The following CREBBP variants were observed in gnomAD, a reference collection of about 807,000 sequenced individuals.
CREBBP encodes CREB binding lysine acetyltransferase, also known as CREB-binding protein.
In CREBBP, 19 loss-of-function variants were observed where a neutral mutation model predicts 265.0. The ratio of observed to expected loss-of-function variants is 0.07; its 90% CI spans 0.05 to 0.11. The LOEUF (loss-of-function observed/expected upper bound fraction) is 0.11. Ranked by LOEUF, CREBBP falls within the 10% of genes least tolerant of loss-of-function variation. CREBBP has a pLI of 1.00. For missense variants in CREBBP, 2,525 were observed against 3,219.0 expected, an observed-to-expected ratio of 0.78 and a Z score of 5.22; for synonymous variants, 1,457 against 1,223.7, an observed-to-expected ratio of 1.19 and a Z score of -3.98.
Position 3,880,220 on chromosome 16 carries a change from C to G in CREBBP, c.-304G>C, listed in dbSNP as rs1368402610. The G allele has an allele frequency of 7.2e-6, 1 of 139,246 alleles. No homozygotes were observed. The highest frequency in any genetic ancestry group is 1.6e-5 in the Non-Finnish European group (1 of 63,166). The allele number at this position is 139,246 out of a possible 1,614,324, so 8.6% of individuals were successfully genotyped here. On this transcript the variant is annotated 5_prime_UTR_variant, in exon 1 of 31. Transcript: ENST00000262367. ...GCGACACTCCGCGGTGGGGGCGCCC[C>G]GGCGGCCCGGCCGCCCCCCCGGGCC...
At chr16:3,822,600 G>C (rs1441677249) in intron 2 of CREBBP, among the ~76,000 whole-genome samples, 2 of 152,134 alleles carry the variant, frequency 1.3e-5, no homozygotes, top group African/African-American at 4.8e-5. Flanking sequence ...TCCTCATGGC[G>C]AATCTCCTGG....
intron 20 of CREBBP, 65 bp from the exon 21 acceptor site, chr16:3,749,748 G>C (rs982503726): frequency 9.4e-7 from 1 of 1,061,300 alleles, no homozygotes; most frequent in African/African-American, 1.6e-5. Flanking sequence ...TAAACTATAG[G>C]GTCTCTGGAA....
At chr16:3,873,620 T>C (rs1290660355) in intron 1 of CREBBP, among the ~76,000 whole-genome samples, 1 of 152,132 alleles carries the variant, frequency 6.6e-6, no homozygotes, top group East Asian at 1.9e-4. Context: ...CAGACACACA[T>C]CATCTCAGGC....
At chr16:3,772,124 T>C (rs2053025266) in intron 13 of CREBBP, among the ~76,000 whole-genome samples, 1 of 152,118 alleles carries the variant, frequency 6.6e-6, no homozygotes, top group Non-Finnish European at 1.5e-5. Context: ...ATAAGCTTCA[T>C]GTTCTATAAC....
chr16:3,871,080 A>G (rs2055284694), intron 1 of CREBBP, among the ~76,000 whole-genome samples: 1 of 151,172 alleles, frequency 6.6e-6, no homozygotes, highest in Non-Finnish European at 1.5e-5. Context: ...AAGGAAGGAA[A>G]AGAGAAAGAA....
chr16:3,761,045 C>T (rs1244371457), intron 16 of CREBBP, among the ~76,000 whole-genome samples: 2 of 152,116 alleles, frequency 1.3e-5, no homozygotes, highest in Non-Finnish European at 2.9e-5. Context: ...ATCTCCGCCT[C>T]CCGGGTTCAA....
chr16:3,878,199 G>A (rs2055442943), intron 1 of CREBBP, among the ~76,000 whole-genome samples: 1 of 152,148 alleles, frequency 6.6e-6, no homozygotes, highest in Non-Finnish European at 1.5e-5. Context: ...AGCTGAACTC[G>A]CCACGTATGA....
chr16:3,799,518 A>G (rs1175246923), intron 3 of CREBBP, among the ~76,000 whole-genome samples: 1 of 152,252 alleles, frequency 6.6e-6, no homozygotes, highest in African/African-American at 2.4e-5. Flanking sequence ...ATCAAAAAGA[A>G]AAACATGCAT....
At position 3,777,717 on chromosome 16, in the gene CREBBP, A is replaced by T. The variant is rs979231377; in HGVS notation, c.2114-60T>A. On this transcript the variant is annotated intron_variant, in intron 10 of 30. Transcript: ENST00000262367. ...CCCTAGTTATTTAATATAATCCTTG[A>T]TTCAGGAATAGGAAATTTCTTATTA... 7 of 1,587,438 alleles carry T rather than the reference A, an allele frequency of 4.4e-6. No homozygotes were observed. In the Admixed American group the frequency reaches 1.2e-4, roughly 27 times the overall value.
chr16:3,854,915 G>T (rs192946373), intron 1 of CREBBP, among the ~76,000 whole-genome samples: 4 of 152,336 alleles, frequency 2.6e-5, no homozygotes, highest in African/African-American at 9.6e-5. Context: ...AAGAAAAACC[G>T]AGACTGAGAG....
intron 17 of CREBBP, 117 bp downstream of exon 17, chr16:3,758,737 T>C (rs2052642720): frequency 1.2e-6 from 1 of 844,992 alleles, no homozygotes. Context: ...GTTTTTTATA[T>C]TAGGAGAACA....
At chr16:3,835,569 ATTTC>A (rs1009660736) in intron 2 of CREBBP, among the ~76,000 whole-genome samples, 34 of 143,072 alleles carry the variant, frequency 2.4e-4, no homozygotes, top group African/African-American at 8.8e-4. Context: ...CTCACAGAAG[ATTTC>A]TTCTTTTTTT....
In CREBBP at chr16:3,736,073, T is replaced by C. The variant is rs2052050151; in HGVS notation, c.4691A>G (p.Lys1564Arg). The C allele has an allele frequency of 4.3e-6, 7 of 1,614,238 alleles. No individual in the cohort carries two copies. Among genetic ancestry groups the C allele is most frequent in the Non-Finnish European group, 5.9e-6 (7 of 1,180,038 alleles). ...ACTGGCTGCAGTGCTCTCTTCCTTT[T>C]TCCTCTCCTCTTCTTCTTGTTCTAG... ...KELEQEEEERKKEESTAASET... is the reference protein window; with the variant it reads ...KELEQEEEERRKEESTAASET... The change falls in exon 28 of 31, where the codon AAA (lysine) becomes AGA (arginine). Residue 1564 changes from lysine to arginine, a missense_variant. Physicochemically the swap from Lys to Arg is conservative, Grantham distance 26 (BLOSUM62 2). Transcript: ENST00000262367.
intron 14 of CREBBP, among the ~76,000 whole-genome samples, chr16:3,769,686 T>C (rs1242038458): frequency 6.6e-6 from 1 of 152,210 alleles, no homozygotes; most frequent in Non-Finnish European, 1.5e-5. Context: ...TGGTGGTTAA[T>C]GTGTATGGTA....
intron 16 of CREBBP, 52 bp from the exon 17 acceptor site, chr16:3,759,024 T>G: frequency 7.4e-7 from 1 of 1,359,454 alleles, no homozygotes; most frequent in Non-Finnish European, 1.1e-6. Context: ...CTCAGATCCC[T>G]CCTACCTCAC....
rs1567259124 is a variant in CREBBP, at chr16:3,727,766, GACC to G, written c.7278_7280del (p.Val2427del). 6.2e-7 allele frequency: 1 copy of G among 1,614,120 alleles called. No individual in the cohort carries two copies. Among genetic ancestry groups the G allele is most frequent in the Admixed American group, 1.7e-5 (1 of 60,020 alleles). On this transcript the variant is annotated inframe_deletion, in exon 31 of 31. Coordinates refer to ENST00000262367, the MANE Select transcript of CREBBP (RefSeq NM_004380.3). ...CTAGCGTGTCCCCCGTGGTGTCCCCGACCAGGGACAGTTCGCTGGACAGCGCAC... is the reference window on the plus strand; with the variant it reads ...CTAGCGTGTCCCCCGTGGTGTCCCCGAGGGACAGTTCGCTGGACAGCGCAC...
At chr16:3,760,736 C>T (rs1470307010) in intron 16 of CREBBP, among the ~76,000 whole-genome samples, 2 of 152,014 alleles carry the variant, frequency 1.3e-5, no homozygotes, top group Non-Finnish European at 1.5e-5. Context: ...TTTTTAGAGA[C>T]AGAGTCTTGC....
rs751204113 is a variant in CREBBP at position 3,767,831 on chromosome 16, C to T, written c.3139G>A (p.Glu1047Lys). Reference protein sequence around the residue: ...DIAEQKSEPMEVDEKKPEVKV... With the variant: ...DIAEQKSEPMKVDEKKPEVKV... ...ACTTCAGGTTTCTTTTCATCCACTT[C>T]CATTGGTTCTGATTTCTGCTCTGCT... is the stretch of plus-strand genomic sequence containing the variant. The change falls in exon 16 of 31, where the codon GAA becomes AAA. Residue 1047 changes from glutamate to lysine, a missense_variant. Glu to Lys is a moderately conservative substitution (Grantham distance 56). This residue lies in a region of CREBBP where 548 missense variants were observed against 533.0 expected (regional missense o/e 1.03). Transcript: ENST00000262367. The T allele has an allele frequency of 1.2e-6, 2 of 1,614,192 alleles. No homozygotes were observed. The highest frequency in any genetic ancestry group is 1.7e-5 in the Admixed American group (1 of 60,024).
intron 2 of CREBBP, among the ~76,000 whole-genome samples, chr16:3,836,100 C>T (rs541160745): frequency 6.6e-6 from 1 of 152,158 alleles, no homozygotes; most frequent in African/African-American, 2.4e-5. Context: ...CTACATGATT[C>T]CATTACGTGA....
Sources: gnomAD v4.1 joint callset for allele counts (sites outside exome capture counted in the v4.1 genomes callset) on GRCh38, gnomAD v4.1.1 for gene constraint, gnomAD v4.1.1 regional missense constraint, MANE v1.5 for transcripts, NCBI Gene and HGNC (gene_info 2026-07-23, HGNC 2026-07-21) for gene names.